PEAK1: variants seen among roughly 807,000 people sequenced by gnomAD.
PEAK1 encodes the protein inactive tyrosine-protein kinase PEAK1.
A neutral mutation model predicts 124.7 loss-of-function variants in PEAK1; 54 were observed. The observed-to-expected ratio is 0.43, with a 90% CI of 0.35 to 0.54. The LOEUF (loss-of-function observed/expected upper bound fraction) is 0.54. Among genes scored for constraint, PEAK1 ranks in the 20% least tolerant of loss-of-function variants. The probability of loss-of-function intolerance (pLI) is 0.01; values close to 1 mark genes in which losing one functional copy is unlikely to be tolerated. For synonymous variants in PEAK1, 719 were observed against 760.0 expected, an observed-to-expected ratio of 0.95 and a Z score of 0.89; for missense variants, 2,046 against 2,134.5, an observed-to-expected ratio of 0.96 and a Z score of 0.82.
intron 1 of PEAK1, among the ~76,000 whole-genome samples, chr15:77,375,867 C>T (rs549117473): frequency 6.6e-6 from 1 of 152,078 alleles, no homozygotes; most frequent in African/African-American, 2.4e-5. Context: ...GACGCGGTGG[C>T]GGGTGCCTGT....
chr15:77,416,352 A>G (rs1222071579), intron 1 of PEAK1, among the ~76,000 whole-genome samples: 1 of 152,206 alleles, frequency 6.6e-6, no homozygotes, highest in Non-Finnish European at 1.5e-5. Context: ...TAATCTAAAT[A>G]GATTTATCCT....
intron 1 of PEAK1, chr15:77,404,492 T>C (rs893809725): frequency 1.3e-5 from 6 of 463,332 alleles, no homozygotes; most frequent in African/African-American, 1.3e-4. Flanking sequence ...TGTTGCAATA[T>C]ACAATTTATA....
chr15:77,196,032 C>A (rs1336981649), intron 6 of PEAK1, among the ~76,000 whole-genome samples: 5 of 152,184 alleles, frequency 3.3e-5, no homozygotes, highest in South Asian at 4.1e-4. Context: ...ATCTGTTTAA[C>A]CTTCGTAAGC....
At chr15:77,355,809 G>A (rs760415323) in intron 2 of PEAK1, 9 of 985,138 alleles carry the variant, frequency 9.1e-6, no homozygotes, top group Non-Finnish European at 9.6e-6. Context: ...CTGTAGAATC[G>A]GAATTATAAT....
At chr15:77,392,738 T>C (rs1457693479) in intron 1 of PEAK1, among the ~76,000 whole-genome samples, 1 of 152,166 alleles carries the variant, frequency 6.6e-6, no homozygotes, top group African/African-American at 2.4e-5. Flanking sequence ...GATGGTCAAA[T>C]AGACGCATCC....
intron 6 of PEAK1, among the ~76,000 whole-genome samples, chr15:77,237,790 A>G (rs938239101): frequency 6.6e-6 from 1 of 152,182 alleles, no homozygotes; most frequent in Admixed American, 6.5e-5. Flanking sequence ...AAAACAATTT[A>G]CCAAGATGAT....
intron 1 of PEAK1, chr15:77,419,644 C>G: frequency 2.0e-6 from 2 of 985,148 alleles, no homozygotes; most frequent in Non-Finnish European, 2.4e-6. Context: ...CTTCACTTTC[C>G]CCCGCAACCT....
Position 77,408,178 on chromosome 15 carries a change from CA to C in PEAK1, c.-666+11827del, listed in dbSNP as rs1340266892. 5.1e-3 allele frequency among the ~76,000 whole-genome samples: 776 copies of C among 151,660 alleles called. 5 individuals carry two copies. The highest frequency in any genetic ancestry group is 0.016 in the African/African-American group (669 of 41,314). The stretch of plus-strand genomic sequence containing the variant: ...ATACACACACACACACACACACACA[CA>C]CACACACACCCTGGAATACTACTCA... On this transcript the variant is annotated intron_variant, in intron 1 of 9. Transcript: ENST00000682557.
chr15:77,169,601 T>C (rs2056364834), intron 7 of PEAK1, among the ~76,000 whole-genome samples: 1 of 152,206 alleles, frequency 6.6e-6, no homozygotes, highest in African/African-American at 2.4e-5. Context: ...AGAGGGTACT[T>C]GGCTGTTCTA....
chr15:77,139,441 T>G (rs1051872062), intron 8 of PEAK1, among the ~76,000 whole-genome samples: 1 of 152,138 alleles, frequency 6.6e-6, no homozygotes, highest in Non-Finnish European at 1.5e-5. Context: ...TGCTATACTT[T>G]TATGACTGGC....
At chr15:77,264,659 C>T (rs924815552) in intron 5 of PEAK1, among the ~76,000 whole-genome samples, 38 of 152,106 alleles carry the variant, frequency 2.5e-4, no homozygotes, top group African/African-American at 9.2e-4. Context: ...GAATCAATAT[C>T]GTGAAAATGG....
intron 5 of PEAK1, among the ~76,000 whole-genome samples, chr15:77,273,849 G>C (rs149068956): frequency 4.1e-4 from 62 of 152,182 alleles, no homozygotes; most frequent in Non-Finnish European, 8.1e-4. Context: ...GAACAAATTT[G>C]GAGGCATCAC....
intron 2 of PEAK1, chr15:77,336,655 A>T (rs1380607099): frequency 3.7e-5 from 18 of 492,862 alleles, no homozygotes; most frequent in Non-Finnish European, 4.7e-5. Flanking sequence ...CAACAGATCA[A>T]TCACATTCTT....
Position 77,266,115 on chromosome 15 carries a change from G to A in PEAK1, c.-274-13589C>T, listed in dbSNP as rs991967221. 3.3e-5 allele frequency among the ~76,000 whole-genome samples: 5 copies of A among 152,180 alleles called. No homozygotes were observed. In the East Asian group the frequency reaches 5.8e-4, roughly 18 times the overall value. ...TGGGGACTGTTGTGGGGTGGGGAGA[G>A]GGGGGAGGGATAGCATTTGGAGATA... On this transcript the variant is annotated intron_variant, in intron 5 of 9. Coordinates refer to ENST00000682557, the MANE Select transcript of PEAK1 (RefSeq NM_001385026.1).
intron 2 of PEAK1, chr15:77,337,320 T>C (rs886302037): frequency 2.0e-6 from 2 of 979,860 alleles, no homozygotes; most frequent in South Asian, 4.7e-5. Context: ...AGGAATGGTA[T>C]TTCATTTATT....
At chr15:77,241,423 A>G (rs1490658106) in intron 6 of PEAK1, among the ~76,000 whole-genome samples, 1 of 152,162 alleles carries the variant, frequency 6.6e-6, no homozygotes, top group East Asian at 1.9e-4. Flanking sequence ...GGTGCAAGAC[A>G]AGAATGCCTA....
chr15:77,160,044 G>C (rs1392613720), intron 7 of PEAK1, among the ~76,000 whole-genome samples: 1 of 152,090 alleles, frequency 6.6e-6, no homozygotes, highest in Admixed American at 6.5e-5. Context: ...TAGCAGTCAA[G>C]AGAGTAGTAT....
At chr15:77,171,568 C>A (rs1217488357) in intron 7 of PEAK1, among the ~76,000 whole-genome samples, 1 of 151,852 alleles carries the variant, frequency 6.6e-6, no homozygotes, top group African/African-American at 2.4e-5. Context: ...TGTCAAAGGA[C>A]ACAAAATTAC....
Position 77,134,131 on chromosome 15 carries a change from G to C in PEAK1, c.3332-381C>G, listed in dbSNP as rs188918109. On this transcript the variant is annotated intron_variant, in intron 8 of 9. Transcript: ENST00000682557. ...TATACTTGGATTGTGACAGAGTAGA[G>C]ATGATAGCATTGTGGATAAAGAAAA... Among the ~76,000 whole-genome samples the C allele has an allele frequency of 2.0e-5, 3 of 152,320 alleles. No homozygotes were observed. The East Asian group carries it at 5.8e-4, about 29-fold the overall frequency.
Sources: allele counts gnomAD v4.1 joint callset (sites outside exome capture counted in the v4.1 genomes callset), GRCh38; gene constraint gnomAD v4.1.1; transcripts MANE v1.5; gene names NCBI Gene and HGNC (gene_info 2026-07-23, HGNC 2026-07-21).